Variants in ARHGEF4 observed in about 807,000 individuals in gnomAD.
ARHGEF4 encodes the protein Rho guanine nucleotide exchange factor 4.
Under a neutral mutation model 162.0 loss-of-function variants are expected in ARHGEF4, and 119 were observed. The ratio of observed to expected loss-of-function variants is 0.73; its 90% confidence interval spans 0.63 to 0.86. The LOEUF is 0.86. Ranked by LOEUF, ARHGEF4 falls within the 40% of genes least tolerant of loss-of-function variation. The pLI is 0.00. For missense variants in ARHGEF4, 2,488 were observed against 2,456.0 expected (o/e 1.01, Z -0.28); for synonymous variants, 1,014 against 979.9 (o/e 1.03, Z -0.65).
chr2:130,849,261 G>A (rs1025815398), intron 1 of ARHGEF4, among the ~76,000 whole-genome samples: 5 of 152,362 alleles, frequency 3.3e-5, no homozygotes, highest in East Asian at 1.9e-4. Flanking sequence ...CAAGAACACC[G>A]TTTTGTTGGG....
chr2:130,995,330 A>G (rs975482191), intron 4 of ARHGEF4, among the ~76,000 whole-genome samples: 1 of 152,126 alleles, frequency 6.6e-6, no homozygotes, highest in African/African-American at 2.4e-5. Context: ...GTTTCCAGTT[A>G]TTGAATACTT....
chr2:130,988,716 G>A (rs1403986623), intron 4 of ARHGEF4, among the ~76,000 whole-genome samples: 1 of 151,826 alleles, frequency 6.6e-6, no homozygotes, highest in African/African-American at 2.4e-5. Context: ...TATTTTCATG[G>A]CTACATGTTA....
chr2:130,939,100 T>C (rs1436790620), intron 3 of ARHGEF4, among the ~76,000 whole-genome samples: 2 of 152,136 alleles, frequency 1.3e-5, no homozygotes, highest in Non-Finnish European at 2.9e-5. Flanking sequence ...GTTGTCTTCT[T>C]TGTGTCCATA....
chr2:130,908,954 A>C (rs1007298136), intron 1 of ARHGEF4, among the ~76,000 whole-genome samples: 2 of 152,182 alleles, frequency 1.3e-5, no homozygotes, highest in African/African-American at 4.8e-5. Context: ...GCCCTGAGGG[A>C]AACACAAATC....
chr2:130,977,895 A>G (rs980832336), intron 4 of ARHGEF4, among the ~76,000 whole-genome samples: 1 of 152,168 alleles, frequency 6.6e-6, no homozygotes, highest in Non-Finnish European at 1.5e-5. Context: ...TGCAGCAGCC[A>G]AGGAGGTGGG....
chr2:130,939,432 G>A lies in ARHGEF4; in HGVS notation c.3859-7077G>A, dbSNP rs148572642. ...TGCCTGTTTCTAGGCTCTCTGTTTG[G>A]TACTGTCGATCCATGTGTCTATGCT... is the stretch of plus-strand genomic sequence containing the variant. On this transcript the variant is annotated intron_variant, in intron 3 of 13. Transcript: ENST00000409359. Among the ~76,000 whole-genome samples the A allele has an allele frequency of 1.9e-3, 286 of 152,178 alleles. 3 individuals carry two copies. The highest frequency in any genetic ancestry group is 6.6e-3 in the African/African-American group (273 of 41,516).
intron 4 of ARHGEF4, among the ~76,000 whole-genome samples, chr2:131,010,037 C>G (rs776645497): frequency 6.6e-5 from 10 of 152,154 alleles, no homozygotes; most frequent in Non-Finnish European, 1.3e-4. Context: ...ATTCTACGTT[C>G]AGGTTTTGTA....
At chr2:131,025,596 T>G (rs1346589808) in intron 4 of ARHGEF4, among the ~76,000 whole-genome samples, 1 of 152,234 alleles carries the variant, frequency 6.6e-6, no homozygotes, top group Non-Finnish European at 1.5e-5. Flanking sequence ...TCATCACCAT[T>G]TATGTGTTTC....
intron 1 of ARHGEF4, among the ~76,000 whole-genome samples, chr2:130,867,313 A>T (rs1682357277): frequency 6.6e-6 from 1 of 151,478 alleles, no homozygotes; most frequent in Non-Finnish European, 1.5e-5. Flanking sequence ...ATCTCGGCTC[A>T]CTGCAACCTC....
chr2:131,044,177 C>A, intron 11 of ARHGEF4, 122 bp from the exon 12 acceptor site: 1 of 1,415,716 alleles, frequency 7.1e-7, no homozygotes, highest in Non-Finnish European at 9.6e-7. Flanking sequence ...ATCTCACTGT[C>A]TGCTGGGGAG....
intron 4 of ARHGEF4, among the ~76,000 whole-genome samples, chr2:131,026,380 A>AT (rs1422278264): frequency 3.4e-4 from 52 of 152,224 alleles, no homozygotes; most frequent in Admixed American, 3.4e-3. Context: ...ATTTGTCTAT[A>AT]TTAAAATTAA....
chr2:131,032,300 C>G (rs1478505378), intron 5 of ARHGEF4, among the ~76,000 whole-genome samples: 2 of 151,954 alleles, frequency 1.3e-5, no homozygotes, highest in Non-Finnish European at 2.9e-5. Flanking sequence ...CATGAGACAA[C>G]CCGAGGATGC....
chr2:130,887,551 G>A (rs4850263), intron 1 of ARHGEF4, among the ~76,000 whole-genome samples: 26,770 of 151,764 alleles, frequency 0.18, 2,876 homozygotes, highest in East Asian at 0.34. Context: ...TCATGATACC[G>A]ACTTTTTTTC....
chr2:130,972,345 A>AT (rs1685422779), intron 4 of ARHGEF4, among the ~76,000 whole-genome samples: 1 of 152,254 alleles, frequency 6.6e-6, no homozygotes, highest in African/African-American at 2.4e-5. Context: ...AAAGAAAAGA[A>AT]AAAGGAGATC....
intron 4 of ARHGEF4, among the ~76,000 whole-genome samples, chr2:130,982,612 CCTTTCTTCTTTTCTT>C (rs1413095485): frequency 2.0e-5 from 3 of 148,472 alleles, no homozygotes; most frequent in Non-Finnish European, 4.4e-5. Flanking sequence ...TCCTCCTCCT[CCTTTCTTCTTTTCTT>C]TCTTACCATT....
chr2:131,045,691 T>C, intron 13 of ARHGEF4: 1 of 1,463,496 alleles, frequency 6.8e-7, no homozygotes, highest in Non-Finnish European at 9.0e-7. Context: ...TTGGTGACAA[T>C]GCTTGTTTCC....
intron 1 of ARHGEF4, among the ~76,000 whole-genome samples, chr2:130,907,906 G>C (rs930602430): frequency 6.7e-6 from 1 of 149,506 alleles, no homozygotes; most frequent in Non-Finnish European, 1.5e-5. Flanking sequence ...GCAGTGAGCC[G>C]AGATCACACC....
intron 1 of ARHGEF4, among the ~76,000 whole-genome samples, chr2:130,848,738 G>A (rs577456060): frequency 3.9e-5 from 6 of 152,228 alleles, no homozygotes; most frequent in East Asian, 3.9e-4. Context: ...CTTGCCTCCC[G>A]GTCTGCAGGG....
chr2:131,038,723 G>T, intron 5 of ARHGEF4, 130 bp from the exon 6 acceptor site: 1 of 1,009,812 alleles, frequency 9.9e-7, no homozygotes, highest in Non-Finnish European at 1.4e-6. Context: ...GTCAGAGGCA[G>T]CCTTGTCAGC....
Sources: allele counts gnomAD v4.1 joint callset (sites outside exome capture counted in the v4.1 genomes callset), GRCh38; gene constraint gnomAD v4.1.1; transcripts MANE v1.5; gene names NCBI Gene and HGNC (gene_info 2026-07-23, HGNC 2026-07-21).